Variants in SMPDL3B observed in about 807,000 individuals in gnomAD.
The protein encoded by SMPDL3B is sphingomyelin phosphodiesterase acid like 3B.
SMPDL3B carries 31 observed loss-of-function variants against 37.9 expected under a neutral mutation model. The observed-to-expected ratio is 0.82, with a 90% confidence interval of 0.61 to 1.10. SMPDL3B has a LOEUF of 1.10. SMPDL3B is among the 50% of genes least tolerant of loss of function. The pLI is 0.00. For missense variants in SMPDL3B, 525 were observed against 597.8 expected, an observed-to-expected ratio of 0.88 and a Z score of 1.27; for synonymous variants, 235 against 242.6, an observed-to-expected ratio of 0.97 and a Z score of 0.29.
In SMPDL3B at chr1:27,942,282, G is replaced by T. The variant is rs74601865; in HGVS notation, c.62-2950G>T. On this transcript the variant is annotated intron_variant, in intron 1 of 7. Transcript: ENST00000373894. ...CTCTTTCTCTGTCTGCAGAGGAAGC[G>T]CAAGGACCATGTGCCCAAGAGAAAG... is the stretch of plus-strand genomic sequence containing the variant. The T allele has an allele frequency of 2.3e-4, 107 of 469,344 alleles. 1 individual carries two copies. The East Asian group carries it at 7.0e-3, about 31-fold the overall frequency. The allele number at this position is 469,344 out of a possible 1,614,324, so 29.1% of individuals were successfully genotyped here.
At chr1:27,939,444 G>C (rs2090337865) in intron 1 of SMPDL3B, among the ~76,000 whole-genome samples, 1 of 152,040 alleles carries the variant, frequency 6.6e-6, no homozygotes, top group Non-Finnish European at 1.5e-5. Flanking sequence ...TCAAACTCCT[G>C]GACTTTAGGG....
chr1:27,953,168 C>T (rs758506608), intron 3 of SMPDL3B, 47 bp from the exon 4 acceptor site: 9 of 1,511,946 alleles, frequency 6.0e-6, no homozygotes, highest in Admixed American at 3.6e-5. Context: ...TTAACTCCCC[C>T]GAGTGCTTTT....
At chr1:27,950,722 A>T (rs2090449207) in intron 3 of SMPDL3B, among the ~76,000 whole-genome samples, 1 of 152,032 alleles carries the variant, frequency 6.6e-6, no homozygotes, top group Non-Finnish European at 1.5e-5. Flanking sequence ...CTCCACCCCC[A>T]TGGGTTCAAG....
chr1:27,955,707 C>T lies in SMPDL3B; in HGVS notation c.714C>T (p.Pro238=), dbSNP rs1283819870. The T allele has an allele frequency of 6.2e-7, 1 of 1,613,804 alleles. No individual in the cohort carries two copies. Among genetic ancestry groups the T allele is most frequent in the South Asian group, 1.1e-5 (1 of 91,070 alleles). ...GDMVYIVGHV[P]PGFFEKTQNK... The stretch of plus-strand genomic sequence containing the variant: ...AGGTGTACATTGTCGGCCACGTGCC[C>T]CCGGGGTTCTTTGAGAAGACGCAAA... The change falls in exon 6 of 8, where the codon CCC becomes CCT. Residue 238 remains proline, a synonymous_variant. Transcript: ENST00000373894.
chr1:27,947,897 C>T (rs916295283), intron 2 of SMPDL3B, among the ~76,000 whole-genome samples: 1 of 151,944 alleles, frequency 6.6e-6, no homozygotes, highest in Non-Finnish European at 1.5e-5. Context: ...TGTTTTTTAT[C>T]AGACAGAATT....
intron 1 of SMPDL3B, among the ~76,000 whole-genome samples, chr1:27,936,185 C>T (rs948550331): frequency 1.3e-5 from 2 of 152,140 alleles, no homozygotes; most frequent in Non-Finnish European, 2.9e-5. Flanking sequence ...GACGCAGTGG[C>T]TAACATCTGT....
intron 2 of SMPDL3B, among the ~76,000 whole-genome samples, chr1:27,948,713 T>A (rs979156012): frequency 6.6e-6 from 1 of 152,222 alleles, no homozygotes; most frequent in African/African-American, 2.4e-5. Context: ...TAATATTCAT[T>A]ACAACCTAGC....
chr1:27,940,105 TG>T (rs1230844203), intron 1 of SMPDL3B, among the ~76,000 whole-genome samples: 4 of 152,208 alleles, frequency 2.6e-5, no homozygotes, highest in Non-Finnish European at 4.4e-5. Context: ...GCCCTATGTC[TG>T]TTGTCCCTAG....
chr1:27,948,752 T>C (rs1313353472), intron 2 of SMPDL3B, among the ~76,000 whole-genome samples: 1 of 152,258 alleles, frequency 6.6e-6, no homozygotes, highest in Admixed American at 6.5e-5. Flanking sequence ...ATATTATGTA[T>C]ATAATTTTCC....
At chr1:27,956,901 T>C (rs4575105) in intron 7 of SMPDL3B, among the ~76,000 whole-genome samples, 36,650 of 151,244 alleles carry the variant, frequency 0.24, 4,528 homozygotes, top group Non-Finnish European at 0.25. Flanking sequence ...GAGTTCTGAG[T>C]GTATTGAGGG....
intron 1 of SMPDL3B, among the ~76,000 whole-genome samples, chr1:27,936,377 T>C (rs936019123): frequency 6.6e-6 from 1 of 150,894 alleles, no homozygotes; most frequent in East Asian, 2.0e-4. Flanking sequence ...TACCTGAGCC[T>C]GGGAGGTTGA....
In SMPDL3B at chr1:27,954,363, A is replaced by G; in HGVS notation, c.527A>G (p.Tyr176Cys). 1 of 1,613,790 alleles carries G rather than the reference A, an allele frequency of 6.2e-7. No homozygotes were observed. The change falls in exon 5 of 8, where the codon TAC becomes TGC. Residue 176 changes from tyrosine to cysteine, a missense_variant. Transcript: ENST00000373894. ...TCCCTGGCTGTGACAGGTGCCTTCT[A>G]CTGTGAGAAGCTGCCGGGTCCCAGC... ...SIALFKKGAFYCEKLPGPSGA... is the reference protein window; with the variant it reads ...SIALFKKGAFCCEKLPGPSGA...
chr1:27,943,334 C>T (rs2090376116), intron 1 of SMPDL3B, among the ~76,000 whole-genome samples: 2 of 152,194 alleles, frequency 1.3e-5, no homozygotes. Flanking sequence ...ATGTGTTTCA[C>T]ATCCTTTCCT....
intron 4 of SMPDL3B, among the ~76,000 whole-genome samples, 200 bp downstream of exon 4, chr1:27,953,558 G>A (rs1313970376): frequency 1.3e-5 from 2 of 152,192 alleles, no homozygotes; most frequent in Admixed American, 1.3e-4. Context: ...TAAACCCCAC[G>A]ACACTGATGA....
intron 1 of SMPDL3B, among the ~76,000 whole-genome samples, chr1:27,940,446 A>C (rs56156615): frequency 0.95 from 144,830 of 152,136 alleles, 69,265 homozygotes; most frequent in East Asian, 1. Flanking sequence ...CCATTTATGA[A>C]ATCATCTCAC....
chr1:27,945,543 A>T lies in SMPDL3B; in HGVS notation c.275+98A>T. ...GCCCACATTATCTCCCTTAATCCTC[A>T]CATCAGTCTCACGTGAGGCTGAGGA... On this transcript the variant is annotated intron_variant, in intron 2 of 7. Coordinates refer to ENST00000373894, the MANE Select transcript of SMPDL3B (RefSeq NM_014474.4). This position sits in a 1 kb window ranked among gnomAD's most constrained non-coding sequence, Gnocchi z 4.0. 1 of 986,306 alleles carries T rather than the reference A, an allele frequency of 1.0e-6. No homozygotes were observed. Among genetic ancestry groups the T allele is most frequent in the Non-Finnish European group, 1.6e-6 (1 of 634,632 alleles). The allele number at this position is 986,306 out of a possible 1,614,324, so 61.1% of individuals were successfully genotyped here.
At chr1:27,939,526 A>G (rs1240957154) in intron 1 of SMPDL3B, among the ~76,000 whole-genome samples, 3 of 152,052 alleles carry the variant, frequency 2.0e-5, no homozygotes, top group Non-Finnish European at 4.4e-5. Flanking sequence ...GTGTGGTGGC[A>G]TATACCTGCA....
In SMPDL3B at chr1:27,959,056, G is replaced by C; in HGVS notation, c.*218G>C. 5.4e-6 allele frequency: 3 copies of C among 559,324 alleles called. No homozygotes were observed. Among genetic ancestry groups the C allele is most frequent in the African/African-American group, 1.9e-5 (1 of 53,720 alleles). 34.6% of individuals were successfully genotyped at this position (559,324 alleles called of 1,614,324 possible). On this transcript the variant is annotated 3_prime_UTR_variant, in exon 8 of 8. Transcript: ENST00000373894. The stretch of plus-strand genomic sequence containing the variant: ...CCAGACTCTCTCCAAAAACAAACCA[G>C]AAACAGAAAAGAAATGACGACCCAA...
chr1:27,946,126 G>C (rs938133166), intron 2 of SMPDL3B, among the ~76,000 whole-genome samples: 1 of 152,164 alleles, frequency 6.6e-6, no homozygotes, highest in Non-Finnish European at 1.5e-5. Flanking sequence ...GGCCGAGGCA[G>C]TGGATCACCT....
Sources: gnomAD v4.1 joint callset for allele counts (sites outside exome capture counted in the v4.1 genomes callset) on GRCh38, gnomAD v4.1.1 for gene constraint, Gnocchi (gnomAD v3.1) non-coding constraint, MANE v1.5 for transcripts, NCBI Gene and HGNC (gene_info 2026-07-23, HGNC 2026-07-21) for gene names.